SPAG16: variants seen among roughly 807,000 people sequenced by gnomAD.
SPAG16 encodes the protein sperm associated antigen 16.
A neutral mutation model predicts 80.4 loss-of-function variants in SPAG16; 86 were observed. The ratio of observed to expected loss-of-function variants is 1.07; its 90% CI spans 0.90 to 1.28. The LOEUF is 1.28. SPAG16 is among the 50% of genes most tolerant of loss of function. The pLI, the probability that SPAG16 is intolerant of heterozygous loss-of-function variation, is 0.00. For synonymous variants in SPAG16, 294 were observed against 265.9 expected (o/e 1.11, Z -1.03); for missense variants, 870 against 765.3 (o/e 1.14, Z -1.61).
chr2:213,647,283 A>G (rs1327795209), intron 10 of SPAG16, among the ~76,000 whole-genome samples: 3 of 152,210 alleles, frequency 2.0e-5, no homozygotes, highest in Non-Finnish European at 2.9e-5. Context: ...TATCATGCAT[A>G]TACGTACAGT....
At chr2:214,140,947 T>TGGG (rs2055324978) in intron 14 of SPAG16, among the ~76,000 whole-genome samples, 1 of 18,426 alleles carries the variant, frequency 5.4e-5, no homozygotes, top group Non-Finnish European at 1.1e-4. Context: ...GGGGGGGGGG[T>TGGG]GGGGGGTGGG....
intron 8 of SPAG16, among the ~76,000 whole-genome samples, chr2:213,368,878 G>A (rs111891610): frequency 0.023 from 3,466 of 152,196 alleles, 123 homozygotes; most frequent in African/African-American, 0.077. Context: ...ACGTCTTCAA[G>A]GAGAACTACA....
chr2:213,902,381 A>G (rs148734827), intron 11 of SPAG16, among the ~76,000 whole-genome samples: 18 of 152,350 alleles, frequency 1.2e-4, no homozygotes, highest in African/African-American at 2.9e-4. Flanking sequence ...ACAGTTCCAC[A>G]TGGCTGAGGA....
chr2:214,310,165 CTT>C (rs3044977), intron 15 of SPAG16, among the ~76,000 whole-genome samples: 21 of 143,770 alleles, frequency 1.5e-4, no homozygotes, highest in Non-Finnish European at 1.8e-4. Context: ...TTCTTTCTTT[CTT>C]TTTTTTTTTT....
At chr2:213,834,941 A>G (rs1362184885) in intron 10 of SPAG16, among the ~76,000 whole-genome samples, 1 of 152,110 alleles carries the variant, frequency 6.6e-6, no homozygotes, top group Non-Finnish European at 1.5e-5. Context: ...ATCTTCCCAG[A>G]TTCTTTCGGT....
At chr2:213,578,837 AT>A (rs993230840) in intron 10 of SPAG16, among the ~76,000 whole-genome samples, 84 of 150,240 alleles carry the variant, frequency 5.6e-4, no homozygotes, top group African/African-American at 1.8e-3. Flanking sequence ...TTCCTTGTAA[AT>A]TTTTTTTTTA....
chr2:214,191,958 C>A (rs2057680521), intron 15 of SPAG16, among the ~76,000 whole-genome samples: 1 of 151,520 alleles, frequency 6.6e-6, no homozygotes, highest in Non-Finnish European at 1.5e-5. Context: ...TTCAAGCAGT[C>A]TGAATGAATC....
rs139399770 is a variant in SPAG16 at position 214,198,354 on chromosome 2, G to T, written c.1720+49088G>T. ...TACAAGTGAGATTATACAAAATTTG[G>T]TTTTTCCATTCCTGAGTTAGTTACT... On this transcript the variant is annotated intron_variant, in intron 15 of 15. Coordinates refer to ENST00000331683, the MANE Select transcript of SPAG16 (RefSeq NM_024532.5). Among the ~76,000 whole-genome samples the T allele has an allele frequency of 3.0e-3, 460 of 152,070 alleles. 5 individuals carry two copies. The highest frequency in any genetic ancestry group is 0.02 in the Middle Eastern group (6 of 294).
intron 9 of SPAG16, among the ~76,000 whole-genome samples, chr2:213,428,801 A>G (rs951832459): frequency 6.6e-6 from 1 of 152,092 alleles, no homozygotes; most frequent in African/African-American, 2.4e-5. Flanking sequence ...CTAAAGAATG[A>G]GAGGAGAAGG....
At chr2:214,314,356 T>A (rs1695538943) in intron 15 of SPAG16, among the ~76,000 whole-genome samples, 1 of 152,218 alleles carries the variant, frequency 6.6e-6, no homozygotes, top group Non-Finnish European at 1.5e-5. Context: ...TATATAGGAT[T>A]TCTAAAAGTG....
intron 10 of SPAG16, among the ~76,000 whole-genome samples, chr2:213,782,035 C>G (rs887180880): frequency 6.6e-6 from 1 of 152,102 alleles, no homozygotes; most frequent in Non-Finnish European, 1.5e-5. Context: ...TGATGGAAAC[C>G]TTCCTGCTTA....
chr2:213,640,954 G>C (rs986972784), intron 10 of SPAG16, among the ~76,000 whole-genome samples: 2 of 152,166 alleles, frequency 1.3e-5, no homozygotes, highest in Admixed American at 1.3e-4. Flanking sequence ...AGGCCACCAG[G>C]ATAAGTATTT....
intron 13 of SPAG16, among the ~76,000 whole-genome samples, chr2:214,075,440 T>A (rs906861275): frequency 6.6e-6 from 1 of 152,090 alleles, no homozygotes; most frequent in Admixed American, 6.6e-5. Flanking sequence ...GAGATAGTTA[T>A]TGAGAAAGGG....
intron 9 of SPAG16, among the ~76,000 whole-genome samples, chr2:213,411,078 T>C (rs1286289030): frequency 6.6e-6 from 1 of 151,994 alleles, no homozygotes; most frequent in Non-Finnish European, 1.5e-5. Flanking sequence ...AGCAGATGTG[T>C]GGTGGTATTG....
chr2:213,989,367 G>A (rs755294618), intron 12 of SPAG16, among the ~76,000 whole-genome samples: 2 of 152,052 alleles, frequency 1.3e-5, no homozygotes, highest in Non-Finnish European at 2.9e-5. Context: ...CTCAGTTTGC[G>A]GAATGGAAAA....
At position 213,470,972 on chromosome 2, in the gene SPAG16, C is replaced by T. The variant is rs376203984; in HGVS notation, c.943-18991C>T. On this transcript the variant is annotated intron_variant, in intron 9 of 15. Coordinates refer to ENST00000331683, the MANE Select transcript of SPAG16 (RefSeq NM_024532.5). ...AAGCCAAACCATTGGCTACAGTTCA[C>T]GAATCAGCATATAATCACACATCTG... Among the ~76,000 whole-genome samples the T allele has an allele frequency of 9.1e-4, 139 of 152,298 alleles. 1 individual carries two copies. The highest frequency in any genetic ancestry group is 4.7e-4 in the Non-Finnish European group (32 of 68,014).
chr2:213,736,938 T>C (rs2067308748), intron 10 of SPAG16, among the ~76,000 whole-genome samples: 1 of 152,090 alleles, frequency 6.6e-6, no homozygotes, highest in Non-Finnish European at 1.5e-5. Flanking sequence ...ACGCCTGACC[T>C]CAGGTGATCT....
chr2:213,345,292 A>G (rs1462104383), intron 6 of SPAG16, among the ~76,000 whole-genome samples: 3 of 132,970 alleles, frequency 2.3e-5, no homozygotes, highest in African/African-American at 9.2e-5. Context: ...CCTTTGTCAG[A>G]TGAGTAGATT....
intron 11 of SPAG16, among the ~76,000 whole-genome samples, chr2:213,920,368 A>T (rs2078157902): frequency 6.6e-6 from 1 of 152,210 alleles, no homozygotes; most frequent in African/African-American, 2.4e-5. Context: ...CGGTTGCTTT[A>T]TAGTGTCACT....
Sources: gnomAD v4.1 joint callset for allele counts (sites outside exome capture counted in the v4.1 genomes callset) on GRCh38, gnomAD v4.1.1 for gene constraint, MANE v1.5 for transcripts, NCBI Gene and HGNC (gene_info 2026-07-23, HGNC 2026-07-21) for gene names.